ADGRB3: variants seen among roughly 807,000 people sequenced by gnomAD.
The protein encoded by ADGRB3 is adhesion G protein-coupled receptor B3, also known as brain-specific angiogenesis inhibitor 3.
In ADGRB3, 37 loss-of-function variants were observed where a neutral mutation model predicts 193.4. The observed-to-expected ratio is 0.19, with a 90% CI of 0.15 to 0.25. ADGRB3 has a LOEUF of 0.25. ADGRB3 is among the 10% of genes least tolerant of loss of function. The probability of loss-of-function intolerance (pLI) is 1.00; values close to 1 mark genes in which losing one functional copy is unlikely to be tolerated. For synonymous variants in ADGRB3, 690 were observed against 644.2 expected (o/e 1.07, Z -1.08); for missense variants, 1,637 against 1,852.9 (o/e 0.88, Z 2.14).
At chr6:69,059,972 A>G (rs894202896) in intron 15 of ADGRB3, among the ~76,000 whole-genome samples, 4 of 152,016 alleles carry the variant, frequency 2.6e-5, no homozygotes, top group African/African-American at 9.7e-5. Flanking sequence ...TGATAGATAA[A>G]AATCTTGCTC....
chr6:68,912,784 G>A (rs1009434083), intron 3 of ADGRB3, among the ~76,000 whole-genome samples: 39 of 152,190 alleles, frequency 2.6e-4, no homozygotes, highest in African/African-American at 9.4e-4. Context: ...AAACACAAGG[G>A]GTCAGGGAGT....
chr6:68,784,119 CTTTCACATATAT>C (rs1289380628), intron 3 of ADGRB3, among the ~76,000 whole-genome samples: 3 of 152,062 alleles, frequency 2.0e-5, no homozygotes, highest in Non-Finnish European at 4.4e-5. Context: ...TATTATAAAA[CTTTCACATATAT>C]TTTCACATAT....
intron 17 of ADGRB3, among the ~76,000 whole-genome samples, chr6:69,204,267 A>AT (rs1339929073): frequency 1.3e-5 from 2 of 152,066 alleles, no homozygotes; most frequent in African/African-American, 4.8e-5. Context: ...TGGACATTAT[A>AT]TTTTTTTATT....
At chr6:68,905,165 C>G (rs368116655) in intron 3 of ADGRB3, among the ~76,000 whole-genome samples, 1 of 152,092 alleles carries the variant, frequency 6.6e-6, no homozygotes, top group African/African-American at 2.4e-5. Flanking sequence ...TATTATATAA[C>G]GATCTGTTTT....
At chr6:69,387,020 A>G (rs538255707) in intron 31 of ADGRB3, among the ~76,000 whole-genome samples, 1 of 152,000 alleles carries the variant, frequency 6.6e-6, no homozygotes, top group African/African-American at 2.4e-5. Context: ...TATTTTTGCA[A>G]CCCCATAAGG....
At chr6:69,326,777 G>A (rs1254916360) in intron 21 of ADGRB3, among the ~76,000 whole-genome samples, 1 of 152,014 alleles carries the variant, frequency 6.6e-6, no homozygotes, top group Non-Finnish European at 1.5e-5. Flanking sequence ...GACATGTGTG[G>A]AGGAAGAGGA....
In ADGRB3 at chr6:69,359,621, T is replaced by A. The variant is rs75374809; in HGVS notation, c.3596-1248T>A. ...AGGGAAAGACATAATCTTTTTCAAC[T>A]TCTGCTTTAATGAATAATAATTATG... On this transcript the variant is annotated intron_variant, in intron 28 of 31. Transcript: ENST00000370598. Among the ~76,000 whole-genome samples, 225 of 151,998 alleles carry A rather than the reference T, an allele frequency of 1.5e-3. 2 individuals carry two copies. Among genetic ancestry groups the A allele is most frequent in the African/African-American group, 5.1e-3 (213 of 41,536 alleles).
intron 20 of ADGRB3, among the ~76,000 whole-genome samples, chr6:69,285,004 TA>T (rs1767518031): frequency 6.6e-6 from 1 of 152,120 alleles, no homozygotes; most frequent in African/African-American, 2.4e-5. Flanking sequence ...AAAAAATGAT[TA>T]AAGTTGACAA....
At chr6:68,797,039 AC>A (rs769064167) in intron 3 of ADGRB3, among the ~76,000 whole-genome samples, 11 of 152,156 alleles carry the variant, frequency 7.2e-5, no homozygotes, top group Non-Finnish European at 1.5e-4. Flanking sequence ...TAAAATGTCT[AC>A]ATTTCCTTAT....
At chr6:68,707,555 C>A (rs1765346197) in intron 3 of ADGRB3, among the ~76,000 whole-genome samples, 1 of 151,966 alleles carries the variant, frequency 6.6e-6, no homozygotes, top group South Asian at 2.1e-4. Context: ...TTGACATAAT[C>A]CAATCAAATG....
intron 3 of ADGRB3, among the ~76,000 whole-genome samples, chr6:68,714,815 A>G (rs1265924109): frequency 6.6e-6 from 1 of 151,818 alleles, no homozygotes; most frequent in Non-Finnish European, 1.5e-5. Context: ...TACATCTGGA[A>G]TTCCTTTTCT....
intron 17 of ADGRB3, among the ~76,000 whole-genome samples, chr6:69,205,831 G>T (rs1404049783): frequency 1.3e-5 from 2 of 151,374 alleles, no homozygotes; most frequent in African/African-American, 4.9e-5. Context: ...TGTCACCCAG[G>T]CTGGAGTACA....
intron 11 of ADGRB3, among the ~76,000 whole-genome samples, chr6:68,999,414 G>A (rs1310343179): frequency 3.3e-5 from 5 of 151,830 alleles, no homozygotes; most frequent in Admixed American, 1.3e-4. Flanking sequence ...ACAGACGCCC[G>A]CCACCACGCC....
At position 68,892,010 on chromosome 6, in the gene ADGRB3, C is replaced by G. The variant is rs561858465; in HGVS notation, c.758-38549C>G. 5.9e-5 allele frequency among the ~76,000 whole-genome samples: 9 copies of G among 152,238 alleles called. No homozygotes were observed. The South Asian group carries it at 1.2e-3, about 21-fold the overall frequency. On this transcript the variant is annotated intron_variant, in intron 3 of 31. Transcript: ENST00000370598. ...CTGTCCATACTGTCCAGTCTGGTTTCCAGCAATCACATGTGACTATTGAGG... is the reference window on the plus strand; with the variant it reads ...CTGTCCATACTGTCCAGTCTGGTTTGCAGCAATCACATGTGACTATTGAGG...
At chr6:68,703,363 G>A (rs184422859) in intron 3 of ADGRB3, among the ~76,000 whole-genome samples, 5 of 152,062 alleles carry the variant, frequency 3.3e-5, no homozygotes, top group Admixed American at 3.3e-4. Flanking sequence ...ACCATTGTGT[G>A]GGTCAAAGAA....
chr6:68,667,786 A>G (rs770151593), intron 3 of ADGRB3, among the ~76,000 whole-genome samples: 1 of 151,892 alleles, frequency 6.6e-6, no homozygotes, highest in Non-Finnish European at 1.5e-5. Flanking sequence ...TTTTCAATTA[A>G]CTATATCATG....
intron 3 of ADGRB3, among the ~76,000 whole-genome samples, chr6:68,849,357 A>G (rs775680277): frequency 2.2e-4 from 33 of 151,982 alleles, no homozygotes; most frequent in Non-Finnish European, 4.0e-4. Flanking sequence ...ATTCAAAAAA[A>G]AAATCACTGA....
chr6:69,055,480 G>A (rs867615868), intron 15 of ADGRB3, among the ~76,000 whole-genome samples: 10 of 151,582 alleles, frequency 6.6e-5, no homozygotes, highest in African/African-American at 1.5e-4. Flanking sequence ...CTTTTTATAC[G>A]GCTGAAGAAT....
At chr6:69,074,767 A>C (rs572381544) in intron 16 of ADGRB3, among the ~76,000 whole-genome samples, 10 of 151,964 alleles carry the variant, frequency 6.6e-5, no homozygotes, top group South Asian at 2.1e-4. Context: ...GGATGGTCTC[A>C]ATCTCCTGAC....
Sources: gnomAD v4.1 joint callset for allele counts (sites outside exome capture counted in the v4.1 genomes callset) on GRCh38, gnomAD v4.1.1 for gene constraint, MANE v1.5 for transcripts, NCBI Gene and HGNC (gene_info 2026-07-23, HGNC 2026-07-21) for gene names.